The following SMCHD1 variants were observed in gnomAD, a reference collection of about 807,000 sequenced individuals.
SMCHD1 encodes structural maintenance of chromosomes flexible hinge domain-containing protein 1.
A neutral mutation model predicts 254.7 loss-of-function variants in SMCHD1; 78 were observed. The ratio of observed to expected loss-of-function variants is 0.31; its 90% CI spans 0.26 to 0.37. The LOEUF is 0.37. SMCHD1 is among the 10% of genes least tolerant of loss of function. SMCHD1 has a pLI of 1.00. For missense variants in SMCHD1, 1,840 were observed against 2,408.1 expected, an observed-to-expected ratio of 0.76 and a Z score of 4.94; for synonymous variants, 766 against 794.9, an observed-to-expected ratio of 0.96 and a Z score of 0.61.
intron 38 of SMCHD1, 55 bp from the exon 39 acceptor site, chr18:2,769,934 A>G: frequency 6.5e-7 from 1 of 1,536,082 alleles, no homozygotes; most frequent in Admixed American, 2.2e-5. Flanking sequence ...TTTATGACAT[A>G]TTTTAGAAAA....
intron 5 of SMCHD1, among the ~76,000 whole-genome samples, chr18:2,677,007 T>A (rs1042648409): frequency 6.6e-6 from 1 of 152,214 alleles, no homozygotes; most frequent in African/African-American, 2.4e-5. Context: ...CATTCTATGA[T>A]AGTTTCCCTA....
At chr18:2,730,809 C>T (rs2075124553) in intron 24 of SMCHD1, among the ~76,000 whole-genome samples, 1 of 152,198 alleles carries the variant, frequency 6.6e-6, no homozygotes, top group African/African-American at 2.4e-5. Context: ...AATGAGATGA[C>T]TCTTCATTCC....
intron 44 of SMCHD1, chr18:2,779,002 C>A (rs1019051228): frequency 6.6e-6 from 1 of 152,220 alleles, no homozygotes. Flanking sequence ...AGCTACAGAT[C>A]TAACTCTGTT....
intron 5 of SMCHD1, among the ~76,000 whole-genome samples, chr18:2,675,358 A>G (rs2073719868): frequency 7.1e-6 from 1 of 140,324 alleles, no homozygotes; most frequent in Admixed American, 7.9e-5. Flanking sequence ...TCTGCCTCCC[A>G]GGTTCAAACG....
At chr18:2,747,894 G>A (rs926975369) in intron 30 of SMCHD1, among the ~76,000 whole-genome samples, 14 of 152,134 alleles carry the variant, frequency 9.2e-5, no homozygotes, top group Admixed American at 8.5e-4. Flanking sequence ...CTTATATAGT[G>A]CTAGTAAGAC....
intron 41 of SMCHD1, among the ~76,000 whole-genome samples, chr18:2,775,183 ATCC>A (rs1568364577): frequency 7.2e-6 from 1 of 138,024 alleles, no homozygotes; most frequent in Non-Finnish European, 1.5e-5. Flanking sequence ...GGCTCAAGTT[ATCC>A]TCCTTCCTCA....
Position 2,656,127 on chromosome 18 carries a change from G to A in SMCHD1, c.52G>A (p.Glu18Lys). The change falls in exon 1 of 48, where the codon GAG becomes AAG. Residue 18 changes from glutamate (E) to lysine (K), a missense_variant. By Grantham distance (56) the Glu-to-Lys change is moderately conservative. Around this residue, in one of 9 missense-constraint regions of SMCHD1, gnomAD observed 115 missense variants for 99.1 expected, o/e 1.16. Transcript: ENST00000320876. The stretch of plus-strand genomic sequence containing the variant: ...TGGTGGGGCCTCTGTGGGGACTGAG[G>A]AGGATGGCGGAGGCGTCGGCCACAG... The part of the protein sequence containing the change: ...GPGGASVGTE[E>K]DGGGVGHRTV... 6.7e-7 allele frequency: 1 copy of A among 1,487,236 alleles called. No homozygotes were observed. The highest frequency in any genetic ancestry group is 8.9e-7 in the Non-Finnish European group (1 of 1,120,656). 92.1% of individuals were successfully genotyped at this position (1,487,236 alleles called of 1,614,324 possible). A position where few individuals can be genotyped will look rare whatever the true frequency, so the allele number is the denominator to read the frequency against.
intron 12 of SMCHD1, 69 bp downstream of exon 12, chr18:2,700,987 G>A (rs1436318269): frequency 1.0e-5 from 12 of 1,173,906 alleles, no homozygotes; most frequent in Non-Finnish European, 1.4e-5. Flanking sequence ...GAAGACACTA[G>A]CAGTGTAGGT....
At chr18:2,708,200 A>G (rs530917430) in intron 17 of SMCHD1, among the ~76,000 whole-genome samples, 6 of 152,330 alleles carry the variant, frequency 3.9e-5, no homozygotes, top group East Asian at 1.9e-4. Context: ...AGGAATTTCT[A>G]TAAGCATATA....
chr18:2,702,614 C>G (rs2074428447), intron 12 of SMCHD1, among the ~76,000 whole-genome samples: 1 of 152,046 alleles, frequency 6.6e-6, no homozygotes, highest in South Asian at 2.1e-4. Context: ...GAGTTGGTAC[C>G]TAGTTATAGG....
At chr18:2,742,135 C>T (rs2075363245) in intron 28 of SMCHD1, among the ~76,000 whole-genome samples, 1 of 152,198 alleles carries the variant, frequency 6.6e-6, no homozygotes, top group Admixed American at 6.5e-5. Context: ...CATTCTACTG[C>T]ATTTGAAATC....
At chr18:2,664,963 A>C (rs2073395100) in intron 1 of SMCHD1, among the ~76,000 whole-genome samples, 1 of 152,228 alleles carries the variant, frequency 6.6e-6, no homozygotes. Context: ...AGTGGTGAGC[A>C]ATAATGGTTT....
At chr18:2,691,525 CT>C (rs772321873) in intron 7 of SMCHD1, 1 of 152,170 alleles carries the variant, frequency 6.6e-6, no homozygotes, top group Non-Finnish European at 1.5e-5. Flanking sequence ...GTGTTATTTG[CT>C]ACTTATGTCA....
At position 2,796,432 on chromosome 18, in the gene SMCHD1, T is replaced by TG; in HGVS notation, c.5905dup (p.Asp1969GlyfsTer10). The TG allele has an allele frequency of 6.2e-7, 1 of 1,601,372 alleles. No homozygotes were observed. The highest frequency in any genetic ancestry group is 8.5e-7 in the Non-Finnish European group (1 of 1,173,658). On this transcript the variant is annotated frameshift_variant, in exon 47 of 48. Transcript: ENST00000320876. LOFTEE classifies it high-confidence loss of function. ...GTATGACTCCCATACGTAAGTGTAA[T>TG]GACTCATTGCGTCATTCACCAAAGG...
At chr18:2,703,407 T>C (rs1004897365) in intron 12 of SMCHD1, among the ~76,000 whole-genome samples, 6 of 152,180 alleles carry the variant, frequency 3.9e-5, no homozygotes, top group Admixed American at 1.3e-4. Flanking sequence ...CATCAGTTTT[T>C]AGTGTATCCT....
At chr18:2,670,310 C>A (rs1208929825) in intron 3 of SMCHD1, among the ~76,000 whole-genome samples, 1 of 152,040 alleles carries the variant, frequency 6.6e-6, no homozygotes, top group East Asian at 1.9e-4. Flanking sequence ...GTTAGCCCTG[C>A]ACTCATTTCT....
intron 17 of SMCHD1, among the ~76,000 whole-genome samples, chr18:2,715,878 A>AT (rs1456477589): frequency 6.6e-6 from 1 of 152,116 alleles, no homozygotes; most frequent in East Asian, 1.9e-4. Flanking sequence ...AGTATTTTGA[A>AT]TTTTTTATTT....
intron 36 of SMCHD1, among the ~76,000 whole-genome samples, chr18:2,763,230 A>G (rs1348540078): frequency 6.6e-6 from 1 of 152,242 alleles, no homozygotes; most frequent in Non-Finnish European, 1.5e-5. Flanking sequence ...AGCACCGAAC[A>G]TTGTGAGAAA....
chr18:2,682,881 T>C (rs2143910068), intron 5 of SMCHD1, among the ~76,000 whole-genome samples: 1 of 152,328 alleles, frequency 6.6e-6, no homozygotes, highest in Admixed American at 6.5e-5. Context: ...ATATAGTCCT[T>C]GAGTGGATAT....
Sources: allele counts gnomAD v4.1 joint callset (sites outside exome capture counted in the v4.1 genomes callset), GRCh38; gene constraint gnomAD v4.1.1; regional missense constraint gnomAD v4.1.1; transcripts MANE v1.5; gene names NCBI Gene and HGNC (gene_info 2026-07-23, HGNC 2026-07-21).